Variants in TLCD4 observed in about 807,000 individuals in gnomAD.
TLCD4 encodes the protein TLC domain containing 4, also known as TLC domain-containing protein 4.
Under a neutral mutation model 24.2 loss-of-function variants are expected in TLCD4, and 7 were observed. The ratio of observed to expected loss-of-function variants is 0.29; its 90% CI spans 0.16 to 0.54. The LOEUF is 0.54. Among genes scored for constraint, TLCD4 ranks in the 20% least tolerant of loss-of-function variants. TLCD4 has a pLI of 0.95. For synonymous variants in TLCD4, 103 were observed against 106.4 expected, an observed-to-expected ratio of 0.97 and a Z score of 0.20; for missense variants, 259 against 313.9, an observed-to-expected ratio of 0.82 and a Z score of 1.32.
the TLCD4 span, among the ~76,000 whole-genome samples, chr1:95,101,013 T>G: frequency 6.6e-6 from 1 of 151,884 alleles, no homozygotes; most frequent in East Asian, 1.9e-4. Context: ...GTTCAAGTGA[T>G]TCTCCTGCCT....
At chr1:95,158,191 T>TC (rs1325096811) in intron 5 of TLCD4, among the ~76,000 whole-genome samples, 1 of 55,560 alleles carries the variant, frequency 1.8e-5, no homozygotes, top group African/African-American at 3.9e-5. Flanking sequence ...ATTTTTTCTT[T>TC]TTTTTTTTTT....
intron 5 of TLCD4, among the ~76,000 whole-genome samples, chr1:95,158,722 T>A (rs1008176571): frequency 1.4e-5 from 2 of 144,450 alleles, no homozygotes; most frequent in Non-Finnish European, 3.0e-5. Context: ...AGTGTTCTTA[T>A]CGGTCACTTC....
intron 6 of TLCD4, among the ~76,000 whole-genome samples, chr1:95,182,363 A>G (rs1288204414): frequency 6.6e-6 from 1 of 152,116 alleles, no homozygotes; most frequent in Admixed American, 6.5e-5. Context: ...TTCCTCAAGA[A>G]AACCATTTTA....
chr1:95,144,363 A>G (rs2100937664), intron 2 of TLCD4, among the ~76,000 whole-genome samples: 1 of 152,284 alleles, frequency 6.6e-6, no homozygotes, highest in South Asian at 2.1e-4. Flanking sequence ...TTTATAACAA[A>G]CATATTCTTT....
upstream of TLCD4, among the ~76,000 whole-genome samples, chr1:95,116,586 T>C (rs1358134757): frequency 6.6e-6 from 1 of 152,138 alleles, no homozygotes; most frequent in Non-Finnish European, 1.5e-5. Context: ...GTATACCTCT[T>C]TGTTATTTTG....
At chr1:95,131,543 G>C (rs569340724) in intron 1 of TLCD4, among the ~76,000 whole-genome samples, 63 of 152,342 alleles carry the variant, frequency 4.1e-4, no homozygotes, top group African/African-American at 1.3e-3. Context: ...ATGGCTTTTA[G>C]AAAAGATTCT....
chr1:95,115,350 T>G (rs1432933305), upstream of TLCD4, among the ~76,000 whole-genome samples: 4 of 152,088 alleles, frequency 2.6e-5, no homozygotes, highest in Non-Finnish European at 5.9e-5. Flanking sequence ...TCAGGTGATC[T>G]GCCCGCCTCA....
chr1:95,177,277 AT>A (rs766604354), intron 6 of TLCD4, among the ~76,000 whole-genome samples: 3 of 151,864 alleles, frequency 2.0e-5, no homozygotes, highest in Non-Finnish European at 4.4e-5. Flanking sequence ...TCTTTGAAAA[AT>A]TTACTTATCC....
intron 6 of TLCD4, among the ~76,000 whole-genome samples, chr1:95,177,762 A>G (rs1267711122): frequency 6.6e-6 from 1 of 151,952 alleles, no homozygotes; most frequent in Admixed American, 6.6e-5. Flanking sequence ...TCATAAATCC[A>G]TTAATTCCTG....
intron 6 of TLCD4, among the ~76,000 whole-genome samples, chr1:95,190,925 G>A (rs1679007575): frequency 6.6e-6 from 1 of 152,018 alleles, no homozygotes; most frequent in East Asian, 1.9e-4. Context: ...CTAGTGTGTG[G>A]TTGTCTTTTC....
intron 5 of TLCD4, among the ~76,000 whole-genome samples, chr1:95,158,494 C>CATTT (rs71097251): frequency 0.22 from 33,250 of 150,446 alleles, 3,872 homozygotes; most frequent in Non-Finnish European, 0.25. Context: ...CTTGATACTT[C>CATTT]ATTTATTTAT....
chr1:95,124,008 T>C (rs1191863757), intron 1 of TLCD4, among the ~76,000 whole-genome samples: 1 of 152,166 alleles, frequency 6.6e-6, no homozygotes, highest in Non-Finnish European at 1.5e-5. Flanking sequence ...AAGCGCAGCG[T>C]TAGATGTTAT....
the TLCD4 span, among the ~76,000 whole-genome samples, chr1:95,109,273 G>A: frequency 6.6e-6 from 1 of 152,120 alleles, no homozygotes; most frequent in Non-Finnish European, 1.5e-5. Context: ...GCTACAGGGA[G>A]GGAGATCTCA....
intron 2 of TLCD4, among the ~76,000 whole-genome samples, chr1:95,146,005 A>G (rs559559002): frequency 7.9e-4 from 121 of 152,248 alleles, no homozygotes; most frequent in African/African-American, 2.8e-3. Flanking sequence ...GGAGAGTGCA[A>G]AGTAGGACAA....
At chr1:95,098,080 C>T in the TLCD4 span, among the ~76,000 whole-genome samples, 1 of 152,288 alleles carries the variant, frequency 6.6e-6, no homozygotes, top group Middle Eastern at 3.4e-3. Flanking sequence ...ATCCGATATA[C>T]AGTATCAGAT....
At chr1:95,175,379 A>T (rs982267923) in intron 6 of TLCD4, among the ~76,000 whole-genome samples, 1 of 152,178 alleles carries the variant, frequency 6.6e-6, no homozygotes, top group Non-Finnish European at 1.5e-5. Context: ...TCTTCTTTTT[A>T]AAGGCTGCAT....
chr1:95,153,989 T>G (rs551987280), intron 5 of TLCD4, among the ~76,000 whole-genome samples: 1 of 152,122 alleles, frequency 6.6e-6, no homozygotes, highest in African/African-American at 2.4e-5. Flanking sequence ...ATTGGAAGAT[T>G]ATCACAATGG....
At chr1:95,147,369 C>T (rs911727058) in intron 2 of TLCD4, among the ~76,000 whole-genome samples, 13 of 152,128 alleles carry the variant, frequency 8.5e-5, no homozygotes, top group East Asian at 1.9e-4. Context: ...CCACCATGCC[C>T]GGCCAAGGAA....
chr1:95,101,280 G>T, the TLCD4 span, among the ~76,000 whole-genome samples: 1 of 151,654 alleles, frequency 6.6e-6, no homozygotes, highest in Admixed American at 6.6e-5. Context: ...TAGAGAAAGG[G>T]TCTTGCTCTG....
Sources: gnomAD v4.1 joint callset for allele counts (sites outside exome capture counted in the v4.1 genomes callset) on GRCh38, gnomAD v4.1.1 for gene constraint, MANE v1.5 for transcripts, NCBI Gene and HGNC (gene_info 2026-07-23, HGNC 2026-07-21) for gene names.